Variants in TRPS1 observed in about 807,000 individuals in gnomAD.
The protein encoded by TRPS1 is transcriptional repressor GATA binding 1.
In TRPS1, 6 loss-of-function variants were observed where a neutral mutation model predicts 101.2. The observed-to-expected ratio is 0.06, with a 90% confidence interval of 0.03 to 0.12. The LOEUF (loss-of-function observed/expected upper bound fraction) is 0.12. TRPS1 is among the 10% of genes least tolerant of loss of function. The probability of loss-of-function intolerance (pLI) is 1.00; values close to 1 mark genes in which losing one functional copy is unlikely to be tolerated. For missense variants in TRPS1, 1,363 were observed against 1,567.0 expected, an observed-to-expected ratio of 0.87 and a Z score of 2.20; for synonymous variants, 578 against 589.8, an observed-to-expected ratio of 0.98 and a Z score of 0.29.
At chr8:115,434,278 G>T (rs573882449) in intron 5 of TRPS1, among the ~76,000 whole-genome samples, 7 of 152,228 alleles carry the variant, frequency 4.6e-5, no homozygotes, top group Admixed American at 4.6e-4. Flanking sequence ...TATATTTATA[G>T]ATCTGAAATT....
In TRPS1 at chr8:115,534,442, G is replaced by C. The variant is rs568622083; in HGVS notation, c.2700+52559C>G. Among the ~76,000 whole-genome samples, 39 of 152,160 alleles carry C rather than the reference G, an allele frequency of 2.6e-4. No individual in the cohort carries two copies. In the South Asian group the frequency reaches 7.9e-3, roughly 31 times the overall value. On this transcript the variant is annotated intron_variant, in intron 5 of 6. Transcript: ENST00000395715. ...CTAACCGCAGTACCATCACACTGGA[G>C]ATTGAAGCTCTAACCCCGATACCAT... is the stretch of plus-strand genomic sequence containing the variant.
Position 115,604,094 on chromosome 8 carries a change from G to C in TRPS1, c.1875C>G (p.Val625=), listed in dbSNP as rs752692840. 1.9e-6 allele frequency: 3 copies of C among 1,614,070 alleles called. No homozygotes were observed. The East Asian group carries it at 6.7e-5, about 36-fold the overall frequency. ...ATGAACACTGATGGCACTGATGTTTGACTCGCGAGCTTCCAGCCGCCCCAG... is the reference window on the plus strand; with the variant it reads ...ATGAACACTGATGGCACTGATGTTTCACTCGCGAGCTTCCAGCCGCCCCAG... ...LSPGAAGSSR[V]KHQCHQCSFT... is the part of the protein sequence containing the mutation. The change falls in exon 4 of 7, where the codon GTC becomes GTG. Residue 625 remains valine, a synonymous_variant. Transcript: ENST00000395715. This position sits in a 1 kb window ranked among gnomAD's most constrained non-coding sequence, Gnocchi z 4.1.
At chr8:115,502,148 T>A (rs921614409) in intron 5 of TRPS1, among the ~76,000 whole-genome samples, 2 of 152,138 alleles carry the variant, frequency 1.3e-5, no homozygotes, top group African/African-American at 4.8e-5. Flanking sequence ...TGCTGCAGAT[T>A]TGAATCGCCT....
chr8:115,467,069 T>C (rs1337272311), intron 5 of TRPS1, among the ~76,000 whole-genome samples: 3 of 152,152 alleles, frequency 2.0e-5, no homozygotes, highest in Non-Finnish European at 4.4e-5. Flanking sequence ...AAGGTTTGAA[T>C]TTTCTTAAAG....
At chr8:115,563,101 ACT>A (rs1300678798) in intron 5 of TRPS1, among the ~76,000 whole-genome samples, 3 of 152,018 alleles carry the variant, frequency 2.0e-5, no homozygotes, top group South Asian at 4.1e-4. Flanking sequence ...GTACTGACAC[ACT>A]CTACCCACTA....
intron 1 of TRPS1, among the ~76,000 whole-genome samples, chr8:115,629,166 CAAAAAAA>C (rs559735936): frequency 6.6e-6 from 1 of 151,296 alleles, no homozygotes; most frequent in Admixed American, 6.6e-5. Flanking sequence ...AAACAAAAAA[CAAAAAAA>C]ACCAGTATTC....
At chr8:115,478,243 C>A (rs1208251698) in intron 5 of TRPS1, among the ~76,000 whole-genome samples, 2 of 152,146 alleles carry the variant, frequency 1.3e-5, no homozygotes, top group Admixed American at 1.3e-4. Flanking sequence ...AATTTATATT[C>A]CTTTTCTCAA....
intron 5 of TRPS1, among the ~76,000 whole-genome samples, chr8:115,537,688 C>T (rs1326892403): frequency 6.6e-6 from 1 of 152,084 alleles, no homozygotes; most frequent in Non-Finnish European, 1.5e-5. Context: ...TGTTAAGATA[C>T]TAAAATATAA....
intron 5 of TRPS1, among the ~76,000 whole-genome samples, chr8:115,542,939 T>C (rs1816487798): frequency 6.6e-6 from 1 of 152,190 alleles, no homozygotes; most frequent in Admixed American, 6.5e-5. Context: ...TTTCAATTTA[T>C]TGAACAAATA....
At position 115,528,728 on chromosome 8, in the gene TRPS1, AAT is replaced by A. The variant is rs1272604012; in HGVS notation, c.2700+58271_2700+58272del. On this transcript the variant is annotated intron_variant, in intron 5 of 6. Coordinates refer to ENST00000395715, the MANE Select transcript of TRPS1 (RefSeq NM_014112.5). ...TTTAACTACTAATCACTTTATTATA[AAT>A]AGTCTCTAGATGACGTATAAAATCT... Among the ~76,000 whole-genome samples, 7 of 152,148 alleles carry A rather than the reference AAT, an allele frequency of 4.6e-5. No individual in the cohort carries two copies. The East Asian group carries it at 1.4e-3, about 29-fold the overall frequency.
At chr8:115,614,633 T>C (rs185566830) in intron 3 of TRPS1, among the ~76,000 whole-genome samples, 1 of 152,336 alleles carries the variant, frequency 6.6e-6, no homozygotes, top group Non-Finnish European at 1.5e-5. Context: ...TGGGTTCATA[T>C]GCCAAACATT....
chr8:115,651,536 G>A (rs1381231563), intron 1 of TRPS1, among the ~76,000 whole-genome samples: 1 of 152,100 alleles, frequency 6.6e-6, no homozygotes, highest in Non-Finnish European at 1.5e-5. Flanking sequence ...ACACTTTTGA[G>A]AACTACTGCA....
chr8:115,595,970 T>G (rs915615241), intron 4 of TRPS1, among the ~76,000 whole-genome samples: 6 of 151,956 alleles, frequency 3.9e-5, no homozygotes, highest in Non-Finnish European at 1.5e-5. Flanking sequence ...TTCAAGGTAT[T>G]ATAAGCAACT....
intron 5 of TRPS1, among the ~76,000 whole-genome samples, chr8:115,527,475 C>G (rs1167107177): frequency 6.6e-6 from 1 of 151,680 alleles, no homozygotes; most frequent in Non-Finnish European, 1.5e-5. Flanking sequence ...TTCAATTTCC[C>G]CAACATCTTT....
At chr8:115,437,000 T>G (rs1238654084) in intron 5 of TRPS1, among the ~76,000 whole-genome samples, 1 of 152,176 alleles carries the variant, frequency 6.6e-6, no homozygotes, top group Admixed American at 6.6e-5. Context: ...ACAAGTTATC[T>G]GTCCAAAAGA....
At chr8:115,474,201 A>G (rs941744423) in intron 5 of TRPS1, among the ~76,000 whole-genome samples, 5 of 152,176 alleles carry the variant, frequency 3.3e-5, no homozygotes, top group Admixed American at 3.3e-4. Flanking sequence ...ATAATTTTAG[A>G]TCATTTTAAT....
Position 115,412,612 on chromosome 8 carries a change from A to T in TRPS1, c.*1411T>A, listed in dbSNP as rs532325847. 6.6e-6 allele frequency: 1 copy of T among 152,600 alleles called. No individual in the cohort carries two copies. Among genetic ancestry groups the T allele is most frequent in the South Asian group, 2.1e-4 (1 of 4,826 alleles). The allele number at this position is 152,600 out of a possible 1,614,324, so 9.5% of individuals were successfully genotyped here. ...AAGTTAATCTGACAGTGCATCCAGT[A>T]GCTTGTAATATCTTCTACATCTCCG... On this transcript the variant is annotated 3_prime_UTR_variant, in exon 7 of 7. Coordinates refer to ENST00000395715, the MANE Select transcript of TRPS1 (RefSeq NM_014112.5).
At chr8:115,646,053 A>G (rs539060674) in intron 1 of TRPS1, among the ~76,000 whole-genome samples, 1 of 152,310 alleles carries the variant, frequency 6.6e-6, no homozygotes, top group South Asian at 2.1e-4. Context: ...GGCCTTAGAA[A>G]TACTATTTTG....
intron 1 of TRPS1, chr8:115,637,456 GA>G (rs1818796577): frequency 3.1e-6 from 1 of 321,696 alleles, no homozygotes; most frequent in Non-Finnish European, 4.5e-6. Context: ...ATCGTAAAAG[GA>G]AGTGGAATTT....
Sources: allele counts gnomAD v4.1 joint callset (sites outside exome capture counted in the v4.1 genomes callset), GRCh38; gene constraint gnomAD v4.1.1; non-coding constraint Gnocchi (gnomAD v3.1); transcripts MANE v1.5; gene names NCBI Gene and HGNC (gene_info 2026-07-23, HGNC 2026-07-21).